Variants in TNS3 observed in about 807,000 individuals in gnomAD.
TNS3 encodes tensin-3.
TNS3 carries 45 observed loss-of-function variants against 140.9 expected under a neutral mutation model. The ratio of observed to expected loss-of-function variants is 0.32; its 90% CI spans 0.25 to 0.41. TNS3 has a LOEUF of 0.41. Ranked by LOEUF, TNS3 falls within the 10% of genes least tolerant of loss-of-function variation. TNS3 has a pLI of 1.00. For synonymous variants in TNS3, 815 were observed against 788.4 expected, an observed-to-expected ratio of 1.03 and a Z score of -0.56; for missense variants, 1,716 against 1,906.7, an observed-to-expected ratio of 0.90 and a Z score of 1.86.
chr7:47,413,576 C>T (rs114733867), intron 12 of TNS3, among the ~76,000 whole-genome samples: 2,173 of 151,814 alleles, frequency 0.014, 56 homozygotes, highest in African/African-American at 0.05. Context: ...TGAACATCCT[C>T]GGATTTGGTA....
At chr7:47,522,087 T>C (rs1451194731) in intron 2 of TNS3, among the ~76,000 whole-genome samples, 1 of 152,132 alleles carries the variant, frequency 6.6e-6, no homozygotes, top group Non-Finnish European at 1.5e-5. Context: ...GGCTCTCCCA[T>C]TCAGTGGATC....
chr7:47,389,066 GAAGAAGAAGAAGAAGAAGAGGAA>G (rs1792297716), intron 16 of TNS3, among the ~76,000 whole-genome samples: 2 of 76,820 alleles, frequency 2.6e-5, no homozygotes, highest in African/African-American at 1.2e-4. Flanking sequence ...AGAAGAAGAA[GAAGAAGAAGAAGAAGAAGAGGAA>G]GAGGAAGAGG....
rs201816568 is a variant in TNS3, at chr7:47,400,779, C to T, written c.853+6G>A. Reference sequence around the variant, plus strand: ...CAAGCACAGGGCCGCCAGCTCCGCGCCTCACCTTTGCTGGCATTGTCCAGA... The same window carrying T: ...CAAGCACAGGGCCGCCAGCTCCGCGTCTCACCTTTGCTGGCATTGTCCAGA... On this transcript the variant is annotated splice_donor_region_variant and intron_variant, in intron 14 of 30. Transcript: ENST00000311160. The T allele has an allele frequency of 6.4e-5, 103 of 1,613,698 alleles. No homozygotes were observed. Among genetic ancestry groups the T allele is most frequent in the Non-Finnish European group, 8.5e-5 (100 of 1,179,716 alleles).
At chr7:47,503,921 G>T (rs1237565681) in intron 3 of TNS3, among the ~76,000 whole-genome samples, 1 of 152,042 alleles carries the variant, frequency 6.6e-6, no homozygotes, top group African/African-American at 2.4e-5. Flanking sequence ...TTTTATAAAG[G>T]CACTAATCTC....
rs934025866 is a variant in TNS3, at chr7:47,476,939, A to G, written c.-76+4164T>C. On this transcript the variant is annotated intron_variant, in intron 4 of 30. Transcript: ENST00000311160. ...CCACTTTTGTAAGCTGCTGCAGTAA[A>G]CAGAAGATTCTGCTACCAGGAATAT... is the stretch of plus-strand genomic sequence containing the variant. 3.9e-5 allele frequency among the ~76,000 whole-genome samples: 6 copies of G among 152,230 alleles called. No homozygotes were observed. In the East Asian group the frequency reaches 1.2e-3, roughly 29 times the overall value.
rs981942599 is a variant in TNS3, at chr7:47,278,148, G to A, written c.4266C>T (p.Asp1422=). 1 of 1,614,016 alleles carries A rather than the reference G, an allele frequency of 6.2e-7. No individual in the cohort carries two copies. Among genetic ancestry groups the A allele is most frequent in the Admixed American group, 1.7e-5 (1 of 60,006 alleles). Residue 1422 remains aspartate, a synonymous_variant, in exon 31 of 31, where the codon GAC becomes GAT. Coordinates refer to ENST00000311160, the MANE Select transcript of TNS3 (RefSeq NM_022748.12). ...CAATGGCACTGGCAGGCTGCTCAGGGTCATGCTCTGCAAACAGGTGGCACA... is the reference window on the plus strand; with the variant it reads ...CAATGGCACTGGCAGGCTGCTCAGGATCATGCTCTGCAAACAGGTGGCACA... ...DNVCHLFAEH[D]PEQPASAIVN...
At chr7:47,524,893 A>C (rs1197071489) in intron 2 of TNS3, among the ~76,000 whole-genome samples, 1 of 147,306 alleles carries the variant, frequency 6.8e-6, no homozygotes, top group Non-Finnish European at 1.5e-5. Context: ...GGGGAGGAGG[A>C]GGTAAAGAAG....
chr7:47,403,308 CAG>C (rs1209216395), intron 13 of TNS3: 2 of 152,324 alleles, frequency 1.3e-5, no homozygotes, highest in Admixed American at 6.5e-5. Context: ...CCAGGAGGTA[CAG>C]AGTGGCAGGA....
chr7:47,481,518 G>T, intron 3 of TNS3: 1 of 329,938 alleles, frequency 3.0e-6, no homozygotes, highest in Non-Finnish European at 4.3e-6. Context: ...GAGGTGGAAG[G>T]CTCTGCCTGG....
chr7:47,430,679 C>CGATGGCATGTTAGGCCAA (rs1286870973), intron 8 of TNS3, among the ~76,000 whole-genome samples: 1 of 151,968 alleles, frequency 6.6e-6, no homozygotes, highest in African/African-American at 2.4e-5. Context: ...GGCCACAAAA[C>CGATGGCATGTTAGGCCAA]AAACCTTAAC....
intron 2 of TNS3, among the ~76,000 whole-genome samples, chr7:47,514,742 G>A (rs559281778): frequency 6.6e-6 from 1 of 152,228 alleles, no homozygotes; most frequent in African/African-American, 2.4e-5. Context: ...CAAATGGGGA[G>A]CATTTATGCG....
rs367551659 is a variant in TNS3, at chr7:47,297,099, A to G, written c.3659T>C (p.Leu1220Pro). 8 of 1,614,072 alleles carry G rather than the reference A, an allele frequency of 5.0e-6. No homozygotes were observed. Among genetic ancestry groups the G allele is most frequent in the Non-Finnish European group, 6.8e-6 (8 of 1,180,050 alleles). Reference protein sequence around the residue: ...MKVATPPPSVLQLNKKAGDLA... With the variant: ...MKVATPPPSVPQLNKKAGDLA... ...AACCTTACCTTTCTTGTTCAGCTGC[A>G]GGACTGAAGGTGGGGGCGTGGCCAC... The change falls in exon 24 of 31, where the codon CTG (leucine) becomes CCG (proline). Residue 1220 changes from leucine (L) to proline (P), a missense_variant. This residue lies in a region of TNS3 where 216 missense variants were observed against 295.7 expected (regional missense o/e 0.73). Transcript: ENST00000311160.
intron 20 of TNS3, among the ~76,000 whole-genome samples, chr7:47,338,519 T>A (rs1261439923): frequency 1.3e-5 from 2 of 150,256 alleles, no homozygotes; most frequent in African/African-American, 5.0e-5. Context: ...CATTTTCTAA[T>A]TTTTTTTCCT....
chr7:47,332,236 G>GGGGATGGA (rs1788382352), intron 20 of TNS3, among the ~76,000 whole-genome samples: 2 of 152,380 alleles, frequency 1.3e-5, no homozygotes, highest in South Asian at 4.1e-4. Context: ...GCTGTCTAGA[G>GGGGATGGA]GGGATGGAAC....
chr7:47,396,406 G>GCATGTGGGCCT (rs1792831105), intron 16 of TNS3, among the ~76,000 whole-genome samples: 1 of 152,210 alleles, frequency 6.6e-6, no homozygotes, highest in African/African-American at 2.4e-5. Context: ...GATGTCTGTT[G>GCATGTGGGCCT]CATGTGGGGC....
intron 7 of TNS3, among the ~76,000 whole-genome samples, chr7:47,436,153 C>T (rs565554618): frequency 8.5e-5 from 13 of 152,250 alleles, no homozygotes; most frequent in Non-Finnish European, 1.6e-4. Flanking sequence ...AAGTCACTAC[C>T]CCTGCCACCA....
intron 27 of TNS3, among the ~76,000 whole-genome samples, chr7:47,288,993 C>A (rs1052949979): frequency 6.6e-6 from 1 of 152,152 alleles, no homozygotes. Flanking sequence ...CAATTTGGGG[C>A]AAGCTATTTT....
At chr7:47,304,285 G>A (rs911490356) in intron 21 of TNS3, among the ~76,000 whole-genome samples, 1 of 152,158 alleles carries the variant, frequency 6.6e-6, no homozygotes, top group African/African-American at 2.4e-5. Flanking sequence ...CGTGACACAC[G>A]TATTTCACTA....
At chr7:47,499,143 T>C (rs1251350202) in intron 3 of TNS3, among the ~76,000 whole-genome samples, 7 of 152,210 alleles carry the variant, frequency 4.6e-5, no homozygotes, top group Non-Finnish European at 7.3e-5. Flanking sequence ...ACTTTGAGAG[T>C]GAGCCTAGAG....
Sources: allele counts gnomAD v4.1 joint callset (sites outside exome capture counted in the v4.1 genomes callset), GRCh38; gene constraint gnomAD v4.1.1; regional missense constraint gnomAD v4.1.1; transcripts MANE v1.5; gene names NCBI Gene and HGNC (gene_info 2026-07-23, HGNC 2026-07-21).